The following TMEM132D variants were observed in gnomAD, a reference collection of about 807,000 sequenced individuals.
TMEM132D encodes the protein transmembrane protein 132D.
A neutral mutation model predicts 62.3 loss-of-function variants in TMEM132D; 21 were observed. That is an observed-to-expected ratio of 0.34 (90% confidence interval 0.24 to 0.49). The LOEUF (loss-of-function observed/expected upper bound fraction) is 0.49. Among genes scored for constraint, TMEM132D ranks in the 20% least tolerant of loss-of-function variants. The pLI is 0.99. For synonymous variants in TMEM132D, 621 were observed against 575.6 expected (o/e 1.08, Z -1.13); for missense variants, 1,346 against 1,402.8 (o/e 0.96, Z 0.65).
chr12:129,431,210 G>A (rs7485111), intron 3 of TMEM132D, among the ~76,000 whole-genome samples: 4,368 of 152,278 alleles, frequency 0.029, 225 homozygotes, highest in African/African-American at 0.1. Flanking sequence ...CCTGTTTACC[G>A]ATAAGGACGC....
chr12:129,342,267 T>C (rs1159752511), intron 3 of TMEM132D, among the ~76,000 whole-genome samples: 5 of 151,990 alleles, frequency 3.3e-5, no homozygotes, highest in South Asian at 2.1e-4. Context: ...TCAGAAATAA[T>C]GCCGCATATC....
intron 5 of TMEM132D, among the ~76,000 whole-genome samples, chr12:129,135,224 C>T (rs1409939660): frequency 1.3e-5 from 2 of 152,320 alleles, no homozygotes; most frequent in African/African-American, 2.4e-5. Context: ...CAGATCTCCT[C>T]TGCCTGCAGT....
At chr12:129,239,230 C>T (rs1879868656) in intron 4 of TMEM132D, among the ~76,000 whole-genome samples, 1 of 152,034 alleles carries the variant, frequency 6.6e-6, no homozygotes, top group African/African-American at 2.4e-5. Context: ...TTTATATATT[C>T]CAGACATTAA....
At chr12:129,475,157 C>T (rs577487278) in intron 3 of TMEM132D, among the ~76,000 whole-genome samples, 7 of 152,258 alleles carry the variant, frequency 4.6e-5, no homozygotes, top group Admixed American at 3.9e-4. Flanking sequence ...GTAGGACATC[C>T]AGTAATCTAG....
intron 1 of TMEM132D, among the ~76,000 whole-genome samples, chr12:129,792,145 A>G (rs1012762694): frequency 6.6e-6 from 1 of 152,208 alleles, no homozygotes; most frequent in African/African-American, 2.4e-5. Context: ...GGGACTGAAC[A>G]TCCCACTGTC....
At position 129,484,596 on chromosome 12, in the gene TMEM132D, CT is replaced by C. The variant is rs199537281; in HGVS notation, c.1115+46462del. 9.7e-3 allele frequency among the ~76,000 whole-genome samples: 1,478 copies of C among 152,290 alleles called. 28 individuals are homozygous for C. Among genetic ancestry groups the C allele is most frequent in the African/African-American group, 0.034 (1,427 of 41,564 alleles). On this transcript the variant is annotated intron_variant, in intron 3 of 8. Transcript: ENST00000422113. ...AAATGGACTTCATTTTGTTACTTAT[CT>C]CAAAAGATCTAACATGCTCTCTTCC...
intron 2 of TMEM132D, among the ~76,000 whole-genome samples, chr12:129,574,953 C>T (rs1219811326): frequency 6.6e-6 from 1 of 151,774 alleles, no homozygotes; most frequent in African/African-American, 2.4e-5. Flanking sequence ...CCACCAAACA[C>T]TCTTCCTGCT....
intron 5 of TMEM132D, among the ~76,000 whole-genome samples, chr12:129,128,681 A>G (rs1409458144): frequency 6.6e-6 from 1 of 152,176 alleles, no homozygotes; most frequent in Non-Finnish European, 1.5e-5. Flanking sequence ...TAGGGCTTCT[A>G]GTGTACCCAT....
At chr12:129,248,014 A>G (rs951267746) in intron 4 of TMEM132D, among the ~76,000 whole-genome samples, 1 of 152,194 alleles carries the variant, frequency 6.6e-6, no homozygotes, top group South Asian at 2.1e-4. Flanking sequence ...CCTTTAGCAT[A>G]AAATTCAAGC....
intron 4 of TMEM132D, among the ~76,000 whole-genome samples, chr12:129,250,177 C>T (rs552021447): frequency 3.3e-5 from 5 of 152,266 alleles, no homozygotes; most frequent in African/African-American, 1.2e-4. Flanking sequence ...CAATTACAGC[C>T]TCCTCCTGCC....
Position 129,903,145 on chromosome 12 carries a change from G to T in TMEM132D, c.79+116C>A. Reference sequence around the variant, plus strand: ...CGCACACACACATGCACACAAGCGCGCACACACACTTGCACACGAGCCCTC... The same window carrying T: ...CGCACACACACATGCACACAAGCGCTCACACACACTTGCACACGAGCCCTC... On this transcript the variant is annotated intron_variant, in intron 1 of 8. Transcript: ENST00000422113. The surrounding 1 kb of genome is among the most constrained non-coding windows in gnomAD (Gnocchi z 6.2). 1 of 1,087,948 alleles carries T rather than the reference G, an allele frequency of 9.2e-7. No individual in the cohort carries two copies. Among genetic ancestry groups the T allele is most frequent in the East Asian group, 2.6e-5 (1 of 38,094 alleles). 67.4% of individuals were successfully genotyped at this position (1,087,948 alleles called of 1,614,324 possible). A position where few individuals can be genotyped will look rare whatever the true frequency, so the allele number is the denominator to read the frequency against.
chr12:129,715,920 T>C (rs1010877124), intron 1 of TMEM132D, among the ~76,000 whole-genome samples: 2 of 152,086 alleles, frequency 1.3e-5, no homozygotes, highest in African/African-American at 4.8e-5. Context: ...CTGGGGCCCA[T>C]CAGGGACCTG....
rs140407250 is a variant in TMEM132D at position 129,731,706 on chromosome 12, G to A, written c.80-31008C>T. Among the ~76,000 whole-genome samples, 1,065 of 151,394 alleles carry A rather than the reference G, an allele frequency of 7.0e-3. 10 individuals are homozygous for A. Among genetic ancestry groups the A allele is most frequent in the African/African-American group, 0.025 (1,024 of 41,248 alleles). ...GAGACGGAGTCTCGCTCTGTCGCCCGGGCTACAGTGCAGTGGCACTATCTT... is the reference window on the plus strand; with the variant it reads ...GAGACGGAGTCTCGCTCTGTCGCCCAGGCTACAGTGCAGTGGCACTATCTT... On this transcript the variant is annotated intron_variant, in intron 1 of 8. Transcript: ENST00000422113.
intron 2 of TMEM132D, among the ~76,000 whole-genome samples, chr12:129,539,410 T>TTC: frequency 6.8e-6 from 1 of 146,774 alleles, no homozygotes; most frequent in South Asian, 2.2e-4. Flanking sequence ...TTTTTCTTTT[T>TTC]TTTTTTTTTT....
At chr12:129,187,889 C>A (rs933677475) in intron 5 of TMEM132D, among the ~76,000 whole-genome samples, 1 of 152,238 alleles carries the variant, frequency 6.6e-6, no homozygotes, top group Non-Finnish European at 1.5e-5. Flanking sequence ...CTCACTGTCA[C>A]CCTATCCTGT....
chr12:129,731,169 G>A lies in TMEM132D; in HGVS notation c.80-30471C>T, dbSNP rs1869222956. On this transcript the variant is annotated intron_variant, in intron 1 of 8. Transcript: ENST00000422113. ...AGAAGGTTTATATAATGCTTTGTAC[G>A]GTCTGAATCACACTGTGGCTTCCTG... Among the ~76,000 whole-genome samples, 4 of 151,960 alleles carry A rather than the reference G, an allele frequency of 2.6e-5. No individual in the cohort carries two copies. In the South Asian group the frequency reaches 6.3e-4, roughly 24 times the overall value.
At chr12:129,626,291 T>A (rs1488062009) in intron 2 of TMEM132D, among the ~76,000 whole-genome samples, 1 of 152,080 alleles carries the variant, frequency 6.6e-6, no homozygotes, top group African/African-American at 2.4e-5. Context: ...ACCCTTAATA[T>A]CCCAAAGAAC....
chr12:129,903,792 C>A lies in TMEM132D; in HGVS notation c.-453G>T, dbSNP rs1198649969. The A allele has an allele frequency of 1.3e-5, 2 of 148,170 alleles. No individual in the cohort carries two copies. The highest frequency in any genetic ancestry group is 4.9e-5 in the African/African-American group (2 of 40,994). The allele number at this position is 148,170 out of a possible 1,614,324, so 9.2% of individuals were successfully genotyped here. A position where few individuals can be genotyped will look rare whatever the true frequency, so the allele number is the denominator to read the frequency against. On this transcript the variant is annotated 5_prime_UTR_variant, in exon 1 of 9. Transcript: ENST00000422113. This position sits in a 1 kb window ranked among gnomAD's most constrained non-coding sequence, Gnocchi z 6.2. ...TGGCGGGGCTGCGGAGCCCGGGACG[C>A]GGGCAGAGGCGGCTCGGAGCCCCCC...
At chr12:129,428,707 T>A (rs1360181456) in intron 3 of TMEM132D, among the ~76,000 whole-genome samples, 1 of 152,228 alleles carries the variant, frequency 6.6e-6, no homozygotes, top group African/African-American at 2.4e-5. Flanking sequence ...GTGTTTTATG[T>A]AAATGTGTGT....
Sources: gnomAD v4.1 joint callset for allele counts (sites outside exome capture counted in the v4.1 genomes callset) on GRCh38, gnomAD v4.1.1 for gene constraint, Gnocchi (gnomAD v3.1) non-coding constraint, MANE v1.5 for transcripts, NCBI Gene and HGNC (gene_info 2026-07-23, HGNC 2026-07-21) for gene names.